Variants in JAZF1 observed in about 807,000 individuals in gnomAD.
The protein encoded by JAZF1 is JAZF zinc finger 1.
In JAZF1, 8 loss-of-function variants were observed where a neutral mutation model predicts 26.4. The observed-to-expected ratio is 0.30, with a 90% CI of 0.18 to 0.55. The LOEUF (loss-of-function observed/expected upper bound fraction) is 0.55. Ranked by LOEUF, JAZF1 falls within the 20% of genes least tolerant of loss-of-function variation. The probability of loss-of-function intolerance (pLI) is 0.94; values close to 1 mark genes in which losing one functional copy is unlikely to be tolerated. For missense variants in JAZF1, 199 were observed against 322.0 expected (o/e 0.62, Z 2.92); for synonymous variants, 126 against 122.3 (o/e 1.03, Z -0.20).
chr7:27,987,767 A>C (rs572109686), intron 2 of JAZF1, among the ~76,000 whole-genome samples: 50 of 152,356 alleles, frequency 3.3e-4, no homozygotes, highest in African/African-American at 8.7e-4. Context: ...AAATGGGAAA[A>C]GAAAGAGAGA....
At chr7:28,066,330 G>A (rs1468732944) in intron 1 of JAZF1, among the ~76,000 whole-genome samples, 1 of 152,044 alleles carries the variant, frequency 6.6e-6, no homozygotes, top group Non-Finnish European at 1.5e-5. Flanking sequence ...AAGGCTGGGC[G>A]CAGTGGCTCA....
intron 2 of JAZF1, among the ~76,000 whole-genome samples, chr7:27,923,870 C>G (rs1287300109): frequency 6.6e-6 from 1 of 152,174 alleles, no homozygotes; most frequent in African/African-American, 2.4e-5. Flanking sequence ...AAATGCAACC[C>G]ATCTGGCAGG....
intron 2 of JAZF1, among the ~76,000 whole-genome samples, chr7:27,986,149 A>C (rs1234233016): frequency 6.6e-6 from 1 of 152,224 alleles, no homozygotes; most frequent in Non-Finnish European, 1.5e-5. Flanking sequence ...AGGGTATTCA[A>C]TTAGGAAAAG....
chr7:28,121,485 C>T (rs1583572112), intron 1 of JAZF1, among the ~76,000 whole-genome samples: 1 of 152,212 alleles, frequency 6.6e-6, no homozygotes, highest in East Asian at 1.9e-4. Context: ...AGATTTTTAA[C>T]ATGAGCTCCA....
In JAZF1 at chr7:28,143,428, AC is replaced by A. The variant is rs1782984817; in HGVS notation, c.115+37034del. On this transcript the variant is annotated intron_variant, in intron 1 of 4. Transcript: ENST00000283928. ...TCCAACCACTACACCTTGAACATAT[AC>A]ACCCTCCTTAGACAAAGCATCACAC... Among the ~76,000 whole-genome samples the A allele has an allele frequency of 2.0e-5, 3 of 152,186 alleles. No individual in the cohort carries two copies. In the South Asian group the frequency reaches 6.2e-4, roughly 32 times the overall value.
At chr7:27,925,191 A>G (rs1784588592) in intron 2 of JAZF1, among the ~76,000 whole-genome samples, 1 of 152,198 alleles carries the variant, frequency 6.6e-6, no homozygotes, top group African/African-American at 2.4e-5. Flanking sequence ...TTGGAGAATA[A>G]TGTAGGTAAT....
intron 3 of JAZF1, among the ~76,000 whole-genome samples, chr7:27,853,176 G>A (rs894698747): frequency 6.6e-6 from 1 of 152,124 alleles, no homozygotes; most frequent in Admixed American, 6.5e-5. Flanking sequence ...TGGAAGATAA[G>A]AGTTTTGATC....
intron 2 of JAZF1, among the ~76,000 whole-genome samples, chr7:27,970,054 A>T (rs1382655389): frequency 6.6e-6 from 1 of 151,572 alleles, no homozygotes; most frequent in African/African-American, 2.4e-5. Context: ...CTTTTAAAGT[A>T]GAATCATGGC....
chr7:27,966,982 G>A lies in JAZF1; in HGVS notation c.188+24927C>T, dbSNP rs374282484. Among the ~76,000 whole-genome samples, 3 of 152,152 alleles carry A rather than the reference G, an allele frequency of 2.0e-5. No homozygotes were observed. In the East Asian group the frequency reaches 5.8e-4, roughly 29 times the overall value. On this transcript the variant is annotated intron_variant, in intron 2 of 4. Coordinates refer to ENST00000283928, the MANE Select transcript of JAZF1 (RefSeq NM_175061.4). ...ATGGTGCAGACTGCACAGGTCTAAG[G>A]AACTGACTAGTCAGGGTCTATGCCA...
rs1782715047 is a variant in JAZF1, at chr7:27,832,084, TGAAC to T, written c.*712_*715del. The T allele has an allele frequency of 1.4e-5, 3 of 212,666 alleles. No homozygotes were observed. The highest frequency in any genetic ancestry group is 1.6e-3 in the Middle Eastern group (1 of 644). 13.2% of individuals were successfully genotyped at this position (212,666 alleles called of 1,614,324 possible). ...ACTCAATCAATGTGTGTTAAATGAA[TGAAC>T]GAACTGAATAGACTATTTTGTACAA... On this transcript the variant is annotated 3_prime_UTR_variant, in exon 5 of 5. Coordinates refer to ENST00000283928, the MANE Select transcript of JAZF1 (RefSeq NM_175061.4).
chr7:28,034,469 T>TACACACACACAC (rs59979673), intron 1 of JAZF1, among the ~76,000 whole-genome samples: 17,352 of 145,210 alleles, frequency 0.12, 1,116 homozygotes, highest in South Asian at 0.16. Context: ...AGAAAACTAA[T>TACACACACACAC]ACACACACAC....
At chr7:27,885,953 G>A (rs1783854487) in intron 3 of JAZF1, among the ~76,000 whole-genome samples, 1 of 152,150 alleles carries the variant, frequency 6.6e-6, no homozygotes, top group South Asian at 2.1e-4. Flanking sequence ...TGATTTACAT[G>A]TGCTATATAG....
chr7:28,034,720 T>C (rs534918644), intron 1 of JAZF1, among the ~76,000 whole-genome samples: 18 of 152,290 alleles, frequency 1.2e-4, no homozygotes, highest in African/African-American at 4.3e-4. Context: ...AACACAAGTC[T>C]TTTGAATTAA....
chr7:28,126,831 G>A (rs1244438782), intron 1 of JAZF1, among the ~76,000 whole-genome samples: 1 of 152,166 alleles, frequency 6.6e-6, no homozygotes, highest in Non-Finnish European at 1.5e-5. Flanking sequence ...GAGAGAGGAA[G>A]AGAAGAGTGA....
chr7:27,902,754 C>A (rs1214945705), intron 2 of JAZF1, among the ~76,000 whole-genome samples: 10 of 152,150 alleles, frequency 6.6e-5, no homozygotes, highest in South Asian at 2.1e-4. Flanking sequence ...CGGTGGCTCA[C>A]GCCTGTAATC....
intron 2 of JAZF1, among the ~76,000 whole-genome samples, chr7:27,967,461 G>A (rs1055835086): frequency 2.0e-5 from 3 of 152,110 alleles, no homozygotes; most frequent in Admixed American, 2.0e-4. Context: ...AATACTTTTA[G>A]TTGTAAAAAG....
At chr7:27,836,939 CTAT>C (rs1782824175) in intron 4 of JAZF1, among the ~76,000 whole-genome samples, 1 of 152,112 alleles carries the variant, frequency 6.6e-6, no homozygotes, top group Non-Finnish European at 1.5e-5. Flanking sequence ...TTTCTTTTCA[CTAT>C]TTTTTCATAC....
chr7:28,118,761 TACACACAC>T (rs10612400), intron 1 of JAZF1, among the ~76,000 whole-genome samples: 212 of 148,788 alleles, frequency 1.4e-3, no homozygotes, highest in African/African-American at 4.2e-3. Context: ...AAGAGAGTTT[TACACACAC>T]ACACACACAC....
intron 2 of JAZF1, among the ~76,000 whole-genome samples, chr7:27,929,326 G>A (rs1229830533): frequency 2.0e-5 from 3 of 152,210 alleles, no homozygotes; most frequent in East Asian, 1.9e-4. Flanking sequence ...GGGGGAGGGA[G>A]CAGAAGTGGC....
Sources: allele counts gnomAD v4.1 joint callset (sites outside exome capture counted in the v4.1 genomes callset), GRCh38; gene constraint gnomAD v4.1.1; transcripts MANE v1.5; gene names NCBI Gene and HGNC (gene_info 2026-07-23, HGNC 2026-07-21).